Variants in GRIN2A observed in about 807,000 individuals in gnomAD.
GRIN2A encodes the protein glutamate receptor ionotropic, NMDA 2A.
A neutral mutation model predicts 113.4 loss-of-function variants in GRIN2A; 22 were observed. That is an observed-to-expected ratio of 0.19 (90% CI 0.14 to 0.28). The LOEUF (loss-of-function observed/expected upper bound fraction) is 0.28, where lower values mean the gene tolerates loss of function less well. Ranked by LOEUF, GRIN2A falls within the 10% of genes least tolerant of loss-of-function variation. The probability of loss-of-function intolerance (pLI) is 1.00; values close to 1 mark genes in which losing one functional copy is unlikely to be tolerated. For synonymous variants in GRIN2A, 827 were observed against 738.4 expected, an observed-to-expected ratio of 1.12 and a Z score of -1.94; for missense variants, 1,502 against 1,887.0, an observed-to-expected ratio of 0.80 and a Z score of 3.78.
At chr16:9,973,040 T>TG (rs1310050520) in intron 2 of GRIN2A, among the ~76,000 whole-genome samples, 1 of 152,088 alleles carries the variant, frequency 6.6e-6, no homozygotes, top group African/African-American at 2.4e-5. Flanking sequence ...CGTTCCTGGG[T>TG]GGGGGCCACA....
At chr16:10,039,801 A>AG (rs761949844) in intron 2 of GRIN2A, among the ~76,000 whole-genome samples, 33 of 12,752 alleles carry the variant, frequency 2.6e-3, no homozygotes, top group East Asian at 0.02. Flanking sequence ...GGGGAGGGGG[A>AG]GGGGGGGGAG....
chr16:9,938,537 G>C lies in GRIN2A; in HGVS notation c.429C>G (p.Thr143=). 6.2e-7 allele frequency: 1 copy of C among 1,604,698 alleles called. No homozygotes were observed. The highest frequency in any genetic ancestry group is 8.5e-7 in the Non-Finnish European group (1 of 1,179,766). The change falls in exon 3 of 13, where the codon ACC becomes ACG. Residue 143 remains threonine (T), a synonymous_variant. Coordinates refer to ENST00000330684, the MANE Select transcript of GRIN2A (RefSeq NM_001134407.3). ...GGATGGACGCTCCAAACTGGAAGAA[G>C]GTAGACGTCGGATCCTGCCAGTGAA... ...MIMADKDPTS[T]FFQFGASIQQ...
At position 10,132,215 on chromosome 16, in the gene GRIN2A, C is replaced by G. The variant is rs184124209; in HGVS notation, c.414+47783G>C. The stretch of plus-strand genomic sequence containing the variant: ...GGCGTGGTGGTGCATGCCTGTAATC[C>G]TAGCTACTCAGGAACCTGAGGCAGG... On this transcript the variant is annotated intron_variant, in intron 2 of 12. Transcript: ENST00000330684. 5.9e-3 allele frequency among the ~76,000 whole-genome samples: 894 copies of G among 151,996 alleles called. 5 individuals carry two copies. Among genetic ancestry groups the G allele is most frequent in the Middle Eastern group, 0.01 (3 of 294 alleles).
intron 2 of GRIN2A, among the ~76,000 whole-genome samples, chr16:10,045,146 C>T (rs1041641723): frequency 2.6e-5 from 4 of 152,238 alleles, no homozygotes; most frequent in East Asian, 1.9e-4. Flanking sequence ...GCCAATTGGC[C>T]GAAGTCTTCC....
chr16:9,856,143 T>G (rs974551893), intron 4 of GRIN2A, among the ~76,000 whole-genome samples: 1 of 152,170 alleles, frequency 6.6e-6, no homozygotes, highest in Non-Finnish European at 1.5e-5. Context: ...ATAACTATAA[T>G]TATCCTCATT....
At chr16:10,127,098 C>T (rs139658092) in intron 2 of GRIN2A, among the ~76,000 whole-genome samples, 25 of 152,270 alleles carry the variant, frequency 1.6e-4, no homozygotes, top group African/African-American at 5.8e-4. Context: ...GAATTTCTCT[C>T]ATGAACCCCA....
At chr16:9,821,615 C>T (rs2042286853) in intron 10 of GRIN2A, among the ~76,000 whole-genome samples, 2 of 152,106 alleles carry the variant, frequency 1.3e-5, no homozygotes. Context: ...CTCTTAGGTC[C>T]TATTATTATT....
intron 3 of GRIN2A, among the ~76,000 whole-genome samples, chr16:9,902,588 G>T (rs748251068): frequency 1.3e-5 from 2 of 152,138 alleles, no homozygotes; most frequent in Non-Finnish European, 2.9e-5. Flanking sequence ...CTGGTTATTT[G>T]AACCAAAATC....
intron 2 of GRIN2A, among the ~76,000 whole-genome samples, chr16:9,981,721 A>G (rs544543400): frequency 6.6e-6 from 1 of 152,314 alleles, no homozygotes; most frequent in East Asian, 1.9e-4. Context: ...TGTTCTATAT[A>G]CTTTTAGAAA....
intron 2 of GRIN2A, among the ~76,000 whole-genome samples, chr16:10,056,533 A>G (rs141776300): frequency 4.6e-5 from 7 of 152,306 alleles, no homozygotes; most frequent in African/African-American, 1.2e-4. Context: ...ATTCATGCTC[A>G]CTCAGAACCT....
At chr16:9,833,139 C>T (rs562482697) in intron 8 of GRIN2A, among the ~76,000 whole-genome samples, 1 of 152,282 alleles carries the variant, frequency 6.6e-6, no homozygotes, top group East Asian at 1.9e-4. Flanking sequence ...GGAAAGCCCA[C>T]TCAAAATGGC....
chr16:10,038,590 TC>T lies in GRIN2A; in HGVS notation c.415-100040del, dbSNP rs1229514261. On this transcript the variant is annotated intron_variant, in intron 2 of 12. Coordinates refer to ENST00000330684, the MANE Select transcript of GRIN2A (RefSeq NM_001134407.3). Reference sequence around the variant, plus strand: ...CAGGCGCGGTGGCTCACGCCTGTAATCCCAGCACTTTGGGAGGCCGAGGCGG... The same window carrying T: ...CAGGCGCGGTGGCTCACGCCTGTAATCCAGCACTTTGGGAGGCCGAGGCGG... Among the ~76,000 whole-genome samples the T allele has an allele frequency of 5.3e-5, 8 of 151,926 alleles. No individual in the cohort carries two copies. The East Asian group carries it at 1.6e-3, about 29-fold the overall frequency.
At chr16:9,788,801 G>C (rs1190450642) in intron 11 of GRIN2A, among the ~76,000 whole-genome samples, 1 of 147,724 alleles carries the variant, frequency 6.8e-6, no homozygotes, top group Non-Finnish European at 1.5e-5. Context: ...AGAGTGCAGT[G>C]GCGCGAACTC....
intron 9 of GRIN2A, among the ~76,000 whole-genome samples, chr16:9,825,497 T>C (rs939795829): frequency 4.6e-5 from 7 of 152,058 alleles, no homozygotes; most frequent in Non-Finnish European, 5.9e-5. Context: ...ATGGAGGAGG[T>C]AGAGATGCAA....
rs1221981627 is a variant in GRIN2A, at chr16:9,760,779, GA to G, written c.*2369del. 4.3e-6 allele frequency: 1 copy of G among 230,240 alleles called. No individual in the cohort carries two copies. The highest frequency in any genetic ancestry group is 8.6e-6 in the Non-Finnish European group (1 of 116,292). 14.3% of individuals were successfully genotyped at this position (230,240 alleles called of 1,614,324 possible). ...GACAAATCACTCTTCTGTATTCTGGGAAGACTTTTTAATTCATTCATGTCAA... is the reference window on the plus strand; with the variant it reads ...GACAAATCACTCTTCTGTATTCTGGGAGACTTTTTAATTCATTCATGTCAA... On this transcript the variant is annotated 3_prime_UTR_variant, in exon 13 of 13. Transcript: ENST00000330684.
At chr16:9,895,536 A>C (rs557932573) in intron 3 of GRIN2A, among the ~76,000 whole-genome samples, 10 of 152,328 alleles carry the variant, frequency 6.6e-5, no homozygotes, top group African/African-American at 2.4e-4. Flanking sequence ...CAAGTTTGTA[A>C]GAGGCAGATG....
At chr16:10,085,754 A>G (rs1254788870) in intron 2 of GRIN2A, among the ~76,000 whole-genome samples, 1 of 152,204 alleles carries the variant, frequency 6.6e-6, no homozygotes, top group Non-Finnish European at 1.5e-5. Context: ...TAATGTGGTA[A>G]GTCTGAGCTC....
chr16:9,943,636 T>C (rs770131243), intron 2 of GRIN2A, among the ~76,000 whole-genome samples: 8 of 152,164 alleles, frequency 5.3e-5, no homozygotes, highest in Admixed American at 1.3e-4. Context: ...ATAACACTCA[T>C]GGATGGCATT....
At chr16:9,859,773 T>G (rs2043032051) in intron 4 of GRIN2A, among the ~76,000 whole-genome samples, 1 of 152,088 alleles carries the variant, frequency 6.6e-6, no homozygotes, top group Non-Finnish European at 1.5e-5. Context: ...CTCCCCCTAC[T>G]GAAATCCTAC....
Sources: gnomAD v4.1 joint callset for allele counts (sites outside exome capture counted in the v4.1 genomes callset) on GRCh38, gnomAD v4.1.1 for gene constraint, MANE v1.5 for transcripts, NCBI Gene and HGNC (gene_info 2026-07-23, HGNC 2026-07-21) for gene names.